NDST4: variants seen among roughly 807,000 people sequenced by gnomAD.
The protein encoded by NDST4 is N-deacetylase and N-sulfotransferase 4, also known as N-heparan sulfate sulfotransferase 4.
Under a neutral mutation model 100.8 loss-of-function variants are expected in NDST4, and 63 were observed. That is an observed-to-expected ratio of 0.62 (90% CI 0.51 to 0.77). The LOEUF (loss-of-function observed/expected upper bound fraction) is 0.77. NDST4 is among the 30% of genes least tolerant of loss of function. NDST4 has a pLI of 0.00. For synonymous variants in NDST4, 377 were observed against 361.8 expected, an observed-to-expected ratio of 1.04 and a Z score of -0.48; for missense variants, 943 against 1,018.4, an observed-to-expected ratio of 0.93 and a Z score of 1.01.
chr4:114,851,183 A>G (rs1002304021), intron 8 of NDST4, among the ~76,000 whole-genome samples: 2 of 152,192 alleles, frequency 1.3e-5, no homozygotes, highest in Admixed American at 6.5e-5. Context: ...GGCAGCACGT[A>G]TTTGTGACCC....
At chr4:114,923,722 CA>C (rs1725332928) in intron 6 of NDST4, among the ~76,000 whole-genome samples, 3 of 151,906 alleles carry the variant, frequency 2.0e-5, no homozygotes, top group Admixed American at 1.3e-4. Flanking sequence ...TTGCATGCCC[CA>C]AAATATATAG....
chr4:115,063,943 T>C lies in NDST4; in HGVS notation c.978+12116A>G, dbSNP rs1479802. Among the ~76,000 whole-genome samples, 318 of 152,122 alleles carry C rather than the reference T, an allele frequency of 2.1e-3. 3 individuals carry two copies. The highest frequency in any genetic ancestry group is 0.019 in the Admixed American group (290 of 15,262). On this transcript the variant is annotated intron_variant, in intron 2 of 13. Coordinates refer to ENST00000264363, the MANE Select transcript of NDST4 (RefSeq NM_022569.3). ...GAACTCATGGACATTAATTGTCTTC[T>C]TCCCTGGTGTTTCAAGAAATTGCTC...
At chr4:114,944,911 G>A (rs1725826881) in intron 4 of NDST4, among the ~76,000 whole-genome samples, 1 of 152,088 alleles carries the variant, frequency 6.6e-6, no homozygotes, top group Non-Finnish European at 1.5e-5. Context: ...ACCACAGAGA[G>A]CCAGAGAATA....
At chr4:114,952,019 A>G (rs1726000030) in intron 4 of NDST4, among the ~76,000 whole-genome samples, 1 of 152,186 alleles carries the variant, frequency 6.6e-6, no homozygotes, top group African/African-American at 2.4e-5. Context: ...CCTGGGGGGA[A>G]ACCTATGTTA....
chr4:114,969,231 G>A (rs1560836159), intron 4 of NDST4, among the ~76,000 whole-genome samples: 2 of 149,542 alleles, frequency 1.3e-5, no homozygotes, highest in Non-Finnish European at 3.0e-5. Context: ...GGAGAATGGC[G>A]TGAACCCGGG....
In NDST4 at chr4:115,076,604, A is replaced by T. The variant is rs773999995; in HGVS notation, c.433T>A (p.Trp145Arg). The T allele has an allele frequency of 6.2e-6, 10 of 1,613,822 alleles. No homozygotes were observed. The African/African-American group carries it at 1.1e-4, about 17-fold the overall frequency. Reference protein sequence around the residue: ...NILKYVSMDSWNRELLEKYCV... With the variant: ...NILKYVSMDSRNRELLEKYCV... ...TATTTTTCTAAAAGCTCTCGATTCC[A>T]TGAGTCCATGCTGACATACTTCAGA... The change falls in exon 2 of 14, where the codon TGG becomes AGG. Residue 145 changes from tryptophan to arginine, a missense_variant. Trp to Arg is a moderately radical substitution (Grantham distance 101). This residue lies in a region of NDST4 where 417 missense variants were observed against 384.2 expected (regional missense o/e 1.09). Transcript: ENST00000264363.
intron 6 of NDST4, among the ~76,000 whole-genome samples, chr4:114,910,258 T>A (rs1039933199): frequency 6.6e-6 from 1 of 152,170 alleles, no homozygotes; most frequent in African/African-American, 2.4e-5. Context: ...TAAACTGCAG[T>A]AGGTGAGCAA....
At chr4:114,901,270 T>C (rs1048407817) in intron 6 of NDST4, among the ~76,000 whole-genome samples, 1 of 152,096 alleles carries the variant, frequency 6.6e-6, no homozygotes, top group Non-Finnish European at 1.5e-5. Context: ...CAATACTGGA[T>C]TAATCTATTT....
chr4:115,029,429 T>G (rs1728067623), intron 2 of NDST4, among the ~76,000 whole-genome samples: 1 of 152,088 alleles, frequency 6.6e-6, no homozygotes. Context: ...ATTTATGATT[T>G]GCTGACTAAG....
intron 2 of NDST4, among the ~76,000 whole-genome samples, chr4:115,003,797 G>A (rs1727351517): frequency 6.6e-6 from 1 of 151,986 alleles, no homozygotes. Context: ...GAACCCGGGA[G>A]GTGGAGGTTG....
chr4:114,835,243 T>C (rs1403723251), intron 11 of NDST4, among the ~76,000 whole-genome samples: 1 of 152,242 alleles, frequency 6.6e-6, no homozygotes, highest in African/African-American at 2.4e-5. Flanking sequence ...TCCAGCTTTC[T>C]GTTGTCATTT....
intron 4 of NDST4, among the ~76,000 whole-genome samples, chr4:114,948,555 A>C (rs1725920472): frequency 6.6e-6 from 1 of 152,112 alleles, no homozygotes; most frequent in Admixed American, 6.6e-5. Flanking sequence ...TCAAACTAAA[A>C]TCATATGAAT....
chr4:114,866,188 G>A (rs1208315592), intron 7 of NDST4, among the ~76,000 whole-genome samples: 1 of 152,198 alleles, frequency 6.6e-6, no homozygotes, highest in Non-Finnish European at 1.5e-5. Flanking sequence ...GTTATTCTCA[G>A]TCTCACTCAC....
intron 1 of NDST4, among the ~76,000 whole-genome samples, chr4:115,099,411 C>T (rs375213895): frequency 2.6e-5 from 4 of 151,560 alleles, no homozygotes; most frequent in Non-Finnish European, 4.4e-5. Context: ...TTGCAATAGC[C>T]GTATCTGATA....
intron 2 of NDST4, among the ~76,000 whole-genome samples, chr4:115,061,657 C>G (rs1728825955): frequency 1.3e-5 from 2 of 151,818 alleles, no homozygotes; most frequent in Non-Finnish European, 2.9e-5. Context: ...AGCATTAGGA[C>G]AAATACCTAA....
intron 2 of NDST4, among the ~76,000 whole-genome samples, chr4:115,045,283 T>C (rs1578479250): frequency 6.6e-6 from 1 of 152,106 alleles, no homozygotes; most frequent in Non-Finnish European, 1.5e-5. Flanking sequence ...AGCCAATCTT[T>C]ATATAGGTTT....
chr4:114,845,966 T>G lies in NDST4; in HGVS notation c.1972A>C (p.Thr658Pro). Residue 658 changes from threonine to proline, a missense_variant, in exon 10 of 14, where the codon ACT (threonine) becomes CCT (proline). Around this residue, in one of 2 missense-constraint regions of NDST4, gnomAD observed 526 missense variants for 634.1 expected, o/e 0.83. Coordinates refer to ENST00000264363, the MANE Select transcript of NDST4 (RefSeq NM_022569.3). Reference sequence around the variant, plus strand: ...TTTTCAAACAGAAAGTCACTTGTAGTATTGGATGGTGTAGGGAAAAAGTCC... The same window carrying G: ...TTTTCAAACAGAAAGTCACTTGTAGGATTGGATGGTGTAGGGAAAAAGTCC... The part of the protein sequence containing the change: ...YMDFFPTPSN[T>P]TSDFLFEKSA... The G allele has an allele frequency of 6.2e-7, 1 of 1,613,238 alleles. No individual in the cohort carries two copies. The highest frequency in any genetic ancestry group is 8.5e-7 in the Non-Finnish European group (1 of 1,179,306).
At chr4:114,933,082 C>T (rs1443749310) in intron 6 of NDST4, among the ~76,000 whole-genome samples, 2 of 152,042 alleles carry the variant, frequency 1.3e-5, no homozygotes, top group African/African-American at 2.4e-5. Flanking sequence ...TACTACAAAG[C>T]TGTGGTAATA....
At chr4:114,873,512 A>G (rs1252315091) in intron 6 of NDST4, among the ~76,000 whole-genome samples, 1 of 151,988 alleles carries the variant, frequency 6.6e-6, no homozygotes, top group Non-Finnish European at 1.5e-5. Flanking sequence ...ATTTCTACCT[A>G]GATACATTAT....
Sources: allele counts gnomAD v4.1 joint callset (sites outside exome capture counted in the v4.1 genomes callset), GRCh38; gene constraint gnomAD v4.1.1; regional missense constraint gnomAD v4.1.1; transcripts MANE v1.5; gene names NCBI Gene and HGNC (gene_info 2026-07-23, HGNC 2026-07-21).